ATP2B2: variants seen among roughly 807,000 people sequenced by gnomAD.
The protein encoded by ATP2B2 is ATPase plasma membrane Ca2+ transporting 2.
In ATP2B2, 15 loss-of-function variants were observed where a neutral mutation model predicts 120.0. The observed-to-expected ratio is 0.12, with a 90% confidence interval of 0.08 to 0.19. ATP2B2 has a LOEUF of 0.19. ATP2B2 is among the 10% of genes least tolerant of loss of function. ATP2B2 has a pLI of 1.00. For synonymous variants in ATP2B2, 694 were observed against 700.3 expected, an observed-to-expected ratio of 0.99 and a Z score of 0.14; for missense variants, 1,045 against 1,719.8, an observed-to-expected ratio of 0.61 and a Z score of 6.94.
intron 1 of ATP2B2, among the ~76,000 whole-genome samples, chr3:10,668,709 C>T (rs2071013730): frequency 6.6e-6 from 1 of 151,998 alleles, no homozygotes; most frequent in South Asian, 2.1e-4. Flanking sequence ...ATTTATTTTT[C>T]TCCATGGCAC....
chr3:10,442,363 G>A (rs1402942537), intron 2 of ATP2B2, among the ~76,000 whole-genome samples: 2 of 152,184 alleles, frequency 1.3e-5, no homozygotes, highest in Non-Finnish European at 2.9e-5. Flanking sequence ...CCTTCAGTCA[G>A]CTGCCGGGCA....
rs191606646 is a variant in ATP2B2 at position 10,672,048 on chromosome 3, G to A, written c.-460+35867C>T. Among the ~76,000 whole-genome samples the A allele has an allele frequency of 4.1e-4, 62 of 152,328 alleles. No homozygotes were observed. In the East Asian group the frequency reaches 9.2e-3, roughly 23 times the overall value. On this transcript the variant is annotated intron_variant, in intron 1 of 21. Transcript: ENST00000646379. ...ACTGCTAGAGAGCCTCGGGGCAAAA[G>A]CAATATGATTTTATGCAGTGTGACA...
At chr3:10,470,413 T>C (rs866712855) in intron 1 of ATP2B2, among the ~76,000 whole-genome samples, 7 of 152,074 alleles carry the variant, frequency 4.6e-5, no homozygotes, top group Non-Finnish European at 7.4e-5. Context: ...GCCAGTGTGA[T>C]TCCAAAGTCT....
At chr3:10,555,510 T>C (rs1016865643) in intron 2 of ATP2B2, among the ~76,000 whole-genome samples, 28 of 152,252 alleles carry the variant, frequency 1.8e-4, no homozygotes, top group African/African-American at 6.0e-4. Context: ...GTGCTGGGCT[T>C]CTGGCTTCCT....
chr3:10,374,207 A>G (rs963832841), intron 11 of ATP2B2, among the ~76,000 whole-genome samples: 1 of 152,194 alleles, frequency 6.6e-6, no homozygotes, highest in Non-Finnish European at 1.5e-5. Context: ...GGCTCAGTGA[A>G]GTGGCTGTGG....
At chr3:10,541,953 GA>G (rs2067449856) in intron 2 of ATP2B2, among the ~76,000 whole-genome samples, 1 of 151,958 alleles carries the variant, frequency 6.6e-6, no homozygotes, top group African/African-American at 2.4e-5. Flanking sequence ...ACATATTTAG[GA>G]TTGCTATGTC....
In ATP2B2 at chr3:10,661,655, G is replaced by A. The variant is rs529464621; in HGVS notation, c.-459-41694C>T. 8.5e-5 allele frequency among the ~76,000 whole-genome samples: 13 copies of A among 152,288 alleles called. No individual in the cohort carries two copies. In the East Asian group the frequency reaches 1.7e-3, roughly 20 times the overall value. On this transcript the variant is annotated intron_variant, in intron 1 of 21. Coordinates refer to the ATP2B2 transcript ENST00000646379. Reference sequence around the variant, plus strand: ...CTCATGGATAGGAAGAATCAATATCGTGAAAATGGCCATACTGCCGAAGGT... The same window carrying A: ...CTCATGGATAGGAAGAATCAATATCATGAAAATGGCCATACTGCCGAAGGT...
intron 2 of ATP2B2, among the ~76,000 whole-genome samples, chr3:10,571,783 C>T (rs2068133719): frequency 6.6e-6 from 1 of 152,228 alleles, no homozygotes; most frequent in Admixed American, 6.5e-5. Context: ...CCACTCAGCA[C>T]CCAGCAGTGT....
intron 1 of ATP2B2, among the ~76,000 whole-genome samples, chr3:10,682,006 G>A (rs1462160254): frequency 1.3e-5 from 2 of 152,210 alleles, no homozygotes; most frequent in Non-Finnish European, 2.9e-5. Flanking sequence ...GTCAGGGAAG[G>A]CTGCCCTAAG....
chr3:10,685,524 A>ATG (rs148191924), intron 1 of ATP2B2, among the ~76,000 whole-genome samples: 211 of 150,212 alleles, frequency 1.4e-3, no homozygotes, highest in African/African-American at 3.7e-3. Context: ...GAGTGTGTGT[A>ATG]TGTGTGTGTG....
At chr3:10,384,689 G>A (rs2061622897) in intron 8 of ATP2B2, among the ~76,000 whole-genome samples, 1 of 152,134 alleles carries the variant, frequency 6.6e-6, no homozygotes, top group Non-Finnish European at 1.5e-5. Flanking sequence ...CCGAAGGACA[G>A]AACCAGGCCC....
At chr3:10,610,076 T>TACACATAC (rs2069187952) in intron 2 of ATP2B2, among the ~76,000 whole-genome samples, 1 of 146,610 alleles carries the variant, frequency 6.8e-6, no homozygotes, top group Non-Finnish European at 1.5e-5. Flanking sequence ...TATACACACA[T>TACACATAC]ACACACACAC....
chr3:10,503,889 G>A (rs1006621448), intron 1 of ATP2B2, among the ~76,000 whole-genome samples: 1 of 152,232 alleles, frequency 6.6e-6, no homozygotes, highest in Non-Finnish European at 1.5e-5. Context: ...TGCATGCACA[G>A]GTGTGTATGT....
intron 2 of ATP2B2, among the ~76,000 whole-genome samples, chr3:10,419,783 G>A (rs909164470): frequency 6.6e-6 from 1 of 152,206 alleles, no homozygotes; most frequent in Non-Finnish European, 1.5e-5. Flanking sequence ...AGAGCTCAGC[G>A]GCCACCCTGC....
chr3:10,619,117 C>G (rs1275626065), intron 2 of ATP2B2, among the ~76,000 whole-genome samples: 1 of 152,158 alleles, frequency 6.6e-6, no homozygotes, highest in Admixed American at 6.5e-5. Flanking sequence ...TCCTCTGTGG[C>G]CCATTCCAGA....
intron 1 of ATP2B2, among the ~76,000 whole-genome samples, chr3:10,483,874 G>A (rs766915869): frequency 6.6e-6 from 1 of 152,218 alleles, no homozygotes; most frequent in Non-Finnish European, 1.5e-5. Context: ...GTGCATTGGC[G>A]TCAGCCCCCG....
At position 10,329,659 on chromosome 3, in the gene ATP2B2, A is replaced by C. The variant is rs2059927351; in HGVS notation, c.3421-534T>G. ...CACAGAAAGGAGAGACGGTTGGATG[A>C]GTTGGGATGAGAGAGACACATGAGG... On this transcript the variant is annotated intron_variant, in intron 22 of 22. Coordinates refer to ENST00000360273, the MANE Select transcript of ATP2B2 (RefSeq NM_001001331.4). This position sits in a 1 kb window ranked among gnomAD's most constrained non-coding sequence, Gnocchi z 5.9. 6.6e-6 allele frequency among the ~76,000 whole-genome samples: 1 copy of C among 152,164 alleles called. No homozygotes were observed. The highest frequency in any genetic ancestry group is 1.5e-5 in the Non-Finnish European group (1 of 68,030).
At chr3:10,534,898 GTTTTTT>G (rs59467255) in intron 2 of ATP2B2, among the ~76,000 whole-genome samples, 6 of 87,708 alleles carry the variant, frequency 6.8e-5, no homozygotes. Flanking sequence ...CATTTATTTG[GTTTTTT>G]TTTTTTTTTT....
chr3:10,511,600 A>C (rs1373792884), intron 3 of ATP2B2, among the ~76,000 whole-genome samples: 3 of 152,156 alleles, frequency 2.0e-5, no homozygotes, highest in African/African-American at 7.2e-5. Context: ...CCCCATGCCC[A>C]GCTTGGGAAG....
Sources: gnomAD v4.1 joint callset for allele counts (sites outside exome capture counted in the v4.1 genomes callset) on GRCh38, gnomAD v4.1.1 for gene constraint, Gnocchi (gnomAD v3.1) non-coding constraint, MANE v1.5 for transcripts, NCBI Gene and HGNC (gene_info 2026-07-23, HGNC 2026-07-21) for gene names.